Variants in SLC7A2 observed in about 807,000 individuals in gnomAD.
SLC7A2 encodes cationic amino acid transporter 2.
A neutral mutation model predicts 58.9 loss-of-function variants in SLC7A2; 48 were observed. The observed-to-expected ratio is 0.82, with a 90% CI of 0.65 to 1.04. SLC7A2 has a LOEUF of 1.04. Among genes scored for constraint, SLC7A2 ranks in the 50% least tolerant of loss-of-function variants. The pLI, the probability that SLC7A2 is intolerant of heterozygous loss-of-function variation, is 0.00. For missense variants in SLC7A2, 1,029 were observed against 818.8 expected (o/e 1.26, Z -3.13); for synonymous variants, 363 against 314.5 (o/e 1.15, Z -1.63).
chr8:17,506,643 G>C (rs1026070092), intron 2 of SLC7A2, among the ~76,000 whole-genome samples: 4 of 152,352 alleles, frequency 2.6e-5, no homozygotes, highest in African/African-American at 7.2e-5. Context: ...TAACTCATCT[G>C]AGGTTAGACA....
In SLC7A2 at chr8:17,543,636, A is replaced by C. The variant is rs528347185; in HGVS notation, c.297A>C (p.Ala99=). The C allele has an allele frequency of 6.3e-7, 1 of 1,578,822 alleles. No individual in the cohort carries two copies. Among genetic ancestry groups the C allele is most frequent in the South Asian group, 1.2e-5 (1 of 84,276 alleles). ...FGARVPKTGS[A]YLYTYVTVGE... ...CCCGTGTTCCCAAGACGGGGTCTGC[A>C]TATTTGTACACCTACGTGACTGTCG... The change falls in exon 3 of 13, where the codon GCA becomes GCC. Residue 99 remains alanine (A), a synonymous_variant. Coordinates refer to ENST00000494857, the MANE Select transcript of SLC7A2 (RefSeq NM_001370338.1).
intron 5 of SLC7A2, among the ~76,000 whole-genome samples, 159 bp downstream of exon 5, chr8:17,549,002 G>T (rs1802314084): frequency 6.8e-6 from 1 of 148,134 alleles, no homozygotes; most frequent in African/African-American, 2.4e-5. Flanking sequence ...CACATGGCTG[G>T]GGAAGCCTCA....
intron 2 of SLC7A2, among the ~76,000 whole-genome samples, chr8:17,515,194 C>G (rs1221399031): frequency 5.3e-5 from 8 of 152,112 alleles, no homozygotes; most frequent in Non-Finnish European, 1.2e-4. Flanking sequence ...GTGTGATACA[C>G]CCGGTACTTT....
intron 2 of SLC7A2, among the ~76,000 whole-genome samples, chr8:17,536,289 G>A (rs566155469): frequency 1.2e-4 from 19 of 152,092 alleles, no homozygotes; most frequent in Non-Finnish European, 2.2e-4. Flanking sequence ...TTCTGGCCGG[G>A]TGCAGTGGTT....
At chr8:17,559,275 A>G (rs1040677091) in intron 9 of SLC7A2, among the ~76,000 whole-genome samples, 3 of 152,206 alleles carry the variant, frequency 2.0e-5, no homozygotes, top group African/African-American at 7.2e-5. Flanking sequence ...TAATTTATCA[A>G]GGAAAGAAGT....
intron 2 of SLC7A2, among the ~76,000 whole-genome samples, chr8:17,531,219 C>G (rs1011302772): frequency 6.6e-6 from 1 of 152,088 alleles, no homozygotes; most frequent in South Asian, 2.1e-4. Context: ...GCAGCAAGAG[C>G]GGGGAGGAAG....
intron 2 of SLC7A2, among the ~76,000 whole-genome samples, chr8:17,502,553 A>G (rs1800202717): frequency 6.6e-6 from 1 of 152,206 alleles, no homozygotes; most frequent in Non-Finnish European, 1.5e-5. Context: ...GAAGATTTCC[A>G]TGAAGTTACG....
chr8:17,567,775 G>T lies in SLC7A2; in HGVS notation c.*2629G>T, dbSNP rs1471771580. On this transcript the variant is annotated 3_prime_UTR_variant, in exon 13 of 13. Transcript: ENST00000494857. ...TGATTTTATATGTATATTTCCTATA[G>T]ACTCTTTAAGACGTATTTATAATGT... 6.6e-6 allele frequency: 1 copy of T among 151,844 alleles called. No homozygotes were observed. Among genetic ancestry groups the T allele is most frequent in the Non-Finnish European group, 1.5e-5 (1 of 67,994 alleles). 9.4% of individuals were successfully genotyped at this position (151,844 alleles called of 1,614,324 possible).
At chr8:17,552,081 A>G in intron 7 of SLC7A2, 95 bp downstream of exon 7, 1 of 823,118 alleles carries the variant, frequency 1.2e-6, no homozygotes, top group East Asian at 2.6e-5. Context: ...AAAGTATCCT[A>G]ATAGAAACAA....
chr8:17,543,212 ACAC>A, intron 2 of SLC7A2, 103 bp from the exon 3 acceptor site: 2 of 993,804 alleles, frequency 2.0e-6, no homozygotes, highest in Non-Finnish European at 3.0e-6. Flanking sequence ...ACACACACAC[ACAC>A]AAACACACAC....
chr8:17,560,610 A>G, intron 10 of SLC7A2, 77 bp downstream of exon 10: 1 of 1,257,534 alleles, frequency 8.0e-7, no homozygotes, highest in Non-Finnish European at 1.2e-6. Context: ...ATGAAAGAGA[A>G]AAGAGGGCCT....
At chr8:17,501,916 C>A (rs1447667757) in intron 1 of SLC7A2, among the ~76,000 whole-genome samples, 1 of 150,538 alleles carries the variant, frequency 6.6e-6, no homozygotes, top group Non-Finnish European at 1.5e-5. Context: ...GTGTTATATT[C>A]ATTTTTGGAA....
intron 4 of SLC7A2, among the ~76,000 whole-genome samples, chr8:17,547,031 A>C (rs1343039708): frequency 6.6e-6 from 1 of 152,198 alleles, no homozygotes; most frequent in Admixed American, 6.5e-5. Flanking sequence ...TTCTACATGT[A>C]CATAATCTGT....
intron 2 of SLC7A2, among the ~76,000 whole-genome samples, chr8:17,531,216 G>A (rs1327628115): frequency 6.6e-6 from 1 of 152,200 alleles, no homozygotes; most frequent in African/African-American, 2.4e-5. Context: ...GAAGCAGCAA[G>A]AGCGGGGAGG....
In SLC7A2 at chr8:17,543,610, G is replaced by T; in HGVS notation, c.271G>T (p.Ala91Ser). The T allele has an allele frequency of 1.2e-6, 2 of 1,602,472 alleles. No homozygotes were observed. The highest frequency in any genetic ancestry group is 8.5e-7 in the Non-Finnish European group (1 of 1,174,528). The change falls in exon 3 of 13, where the codon GCC becomes TCC. Residue 91 changes from alanine to serine, a missense_variant. Physicochemically the swap from Ala to Ser is moderately conservative, Grantham distance 99 (BLOSUM62 1). Coordinates refer to ENST00000494857, the MANE Select transcript of SLC7A2 (RefSeq NM_001370338.1). ...MAGLCYAEFG[A>S]RVPKTGSAYL... is the part of the protein sequence containing the mutation. ...TGGCCTCTGCTATGCCGAATTTGGG[G>T]CCCGTGTTCCCAAGACGGGGTCTGC...
intron 9 of SLC7A2, among the ~76,000 whole-genome samples, chr8:17,559,643 A>G (rs1206163888): frequency 6.6e-6 from 1 of 152,228 alleles, no homozygotes; most frequent in Non-Finnish European, 1.5e-5. Flanking sequence ...TGAGAACAGC[A>G]TGAGGGTAAC....
chr8:17,495,794 C>T (rs1166722885), upstream of SLC7A2, among the ~76,000 whole-genome samples: 1 of 152,188 alleles, frequency 6.6e-6, no homozygotes, highest in African/African-American at 2.4e-5. Context: ...AGGTGATCGG[C>T]GCGCCTCGGC....
intron 2 of SLC7A2, among the ~76,000 whole-genome samples, chr8:17,529,156 T>C (rs1801335449): frequency 6.6e-6 from 1 of 152,238 alleles, no homozygotes; most frequent in African/African-American, 2.4e-5. Flanking sequence ...TAAAAACCTT[T>C]GCAGACTTAT....
chr8:17,540,271 T>C (rs904190190), intron 2 of SLC7A2, among the ~76,000 whole-genome samples: 1 of 152,158 alleles, frequency 6.6e-6, no homozygotes, highest in African/African-American at 2.4e-5. Context: ...CAATCCGTAT[T>C]TTACCAGGCT....
Sources: gnomAD v4.1 joint callset for allele counts (sites outside exome capture counted in the v4.1 genomes callset) on GRCh38, gnomAD v4.1.1 for gene constraint, MANE v1.5 for transcripts, NCBI Gene and HGNC (gene_info 2026-07-23, HGNC 2026-07-21) for gene names.